The following CC2D2A variants were observed in gnomAD, a reference collection of about 807,000 sequenced individuals.
CC2D2A encodes the protein coiled-coil and C2 domain-containing protein 2A.
In CC2D2A, 155 loss-of-function variants were observed where a neutral mutation model predicts 212.9. The ratio of observed to expected loss-of-function variants is 0.73; its 90% confidence interval spans 0.64 to 0.83. The LOEUF (loss-of-function observed/expected upper bound fraction) is 0.83, where lower values mean the gene tolerates loss of function less well. Ranked by LOEUF, CC2D2A falls within the 40% of genes least tolerant of loss-of-function variation. The probability of loss-of-function intolerance (pLI) is 0.00; values close to 1 mark genes in which losing one functional copy is unlikely to be tolerated. For synonymous variants in CC2D2A, 667 were observed against 686.5 expected, an observed-to-expected ratio of 0.97 and a Z score of 0.44; for missense variants, 1,856 against 1,956.2, an observed-to-expected ratio of 0.95 and a Z score of 0.97.
At chr4:15,540,725 T>C in intron 16 of CC2D2A, 112 bp from the exon 17 acceptor site, 1 of 953,356 alleles carries the variant, frequency 1.0e-6, no homozygotes, top group Non-Finnish European at 1.6e-6. Context: ...CTGACATGAT[T>C]GGGAGAGTTG....
At chr4:15,548,733 A>T (rs1444266071) in intron 17 of CC2D2A, among the ~76,000 whole-genome samples, 1 of 152,232 alleles carries the variant, frequency 6.6e-6, no homozygotes, top group Non-Finnish European at 1.5e-5. Context: ...TAAGCTGTAG[A>T]AGATTATAGA....
chr4:15,536,906 AAATT>A lies in CC2D2A; in HGVS notation c.1608-12_1608-9del. 6.2e-7 allele frequency: 1 copy of A among 1,610,650 alleles called. No individual in the cohort carries two copies. The highest frequency in any genetic ancestry group is 8.5e-7 in the Non-Finnish European group (1 of 1,178,564). On this transcript the variant is annotated splice_polypyrimidine_tract_variant and intron_variant, in intron 14 of 36. Coordinates refer to ENST00000424120, the MANE Select transcript of CC2D2A (RefSeq NM_001378615.1). ...TTTCCAGAAATAACCAAGGGACTAC[AAATT>A]ATTTTAAAGGGAAAAAGCTGACCAG...
intron 30 of CC2D2A, among the ~76,000 whole-genome samples, chr4:15,581,456 G>T (rs551772415): frequency 6.6e-6 from 1 of 152,318 alleles, no homozygotes; most frequent in Admixed American, 6.5e-5. Context: ...TTGCTCTCAG[G>T]TCATCTGATA....
At chr4:15,474,164 C>T (rs1429998312) in intron 1 of CC2D2A, among the ~76,000 whole-genome samples, 2 of 152,198 alleles carry the variant, frequency 1.3e-5, no homozygotes, top group South Asian at 2.1e-4. Context: ...TAGGGAGAAA[C>T]CAGCAAAGGA....
At chr4:15,523,442 C>T (rs1409947211) in intron 11 of CC2D2A, among the ~76,000 whole-genome samples, 2 of 152,144 alleles carry the variant, frequency 1.3e-5, no homozygotes, top group Non-Finnish European at 2.9e-5. Context: ...TCCAAGCTCC[C>T]GCAGAGGTAC....
intron 29 of CC2D2A, among the ~76,000 whole-genome samples, chr4:15,578,568 AAAAC>A (rs1323630977): frequency 6.6e-6 from 1 of 152,218 alleles, no homozygotes; most frequent in African/African-American, 2.4e-5. Context: ...AAAGACTGAG[AAAAC>A]AAATATATCA....
chr4:15,551,720 A>G (rs1719018012), intron 18 of CC2D2A, among the ~76,000 whole-genome samples: 1 of 152,176 alleles, frequency 6.6e-6, no homozygotes, highest in African/African-American at 2.4e-5. Flanking sequence ...ATTCATTTAA[A>G]TATATTTAAA....
intron 11 of CC2D2A, among the ~76,000 whole-genome samples, chr4:15,522,653 A>G (rs1183944153): frequency 6.6e-6 from 1 of 152,208 alleles, no homozygotes; most frequent in Non-Finnish European, 1.5e-5. Flanking sequence ...ATTAGCTGTC[A>G]TGCAAAGAAA....
In CC2D2A at chr4:15,514,823, G is replaced by T; in HGVS notation, c.834G>T (p.Arg278=). 1 of 1,613,922 alleles carries T rather than the reference G, an allele frequency of 6.2e-7. No homozygotes were observed. The highest frequency in any genetic ancestry group is 1.1e-5 in the South Asian group (1 of 91,084). The change falls in exon 9 of 37, where the codon CGG becomes CGT. Residue 278 remains arginine, a synonymous_variant. Transcript: ENST00000424120. Reference sequence around the variant, plus strand: ...CAGATTATGAAAGCATCCATGATCGGCTGCAGATGGAAAGAGAAATGCTCT... The same window carrying T: ...CAGATTATGAAAGCATCCATGATCGTCTGCAGATGGAAAGAGAAATGCTCT... ...RPADYESIHD[R]LQMEREMLFI...
intron 29 of CC2D2A, among the ~76,000 whole-genome samples, chr4:15,577,978 G>A (rs1390137066): frequency 1.3e-5 from 2 of 152,172 alleles, no homozygotes; most frequent in African/African-American, 4.8e-5. Context: ...AAATAGTTTA[G>A]AGGAACACAG....
intron 11 of CC2D2A, among the ~76,000 whole-genome samples, chr4:15,525,213 C>T (rs1717441489): frequency 6.6e-6 from 1 of 152,118 alleles, no homozygotes; most frequent in Non-Finnish European, 1.5e-5. Flanking sequence ...ACCACTCTAC[C>T]CACGTTATTT....
chr4:15,563,753 A>G lies in CC2D2A; in HGVS notation c.3182+231A>G, dbSNP rs1719733280. ...ATCTCAAATAACTCGGACAAGAGGT[A>G]TAGCTGAATTACAAGGGAGACTGCA... On this transcript the variant is annotated intron_variant, in intron 24 of 36. Coordinates refer to ENST00000424120, the MANE Select transcript of CC2D2A (RefSeq NM_001378615.1). 7 of 527,174 alleles carry G rather than the reference A, an allele frequency of 1.3e-5. No homozygotes were observed. In the South Asian group the frequency reaches 1.8e-4, roughly 13 times the overall value. The allele number at this position is 527,174 out of a possible 1,614,324, so 32.7% of individuals were successfully genotyped here.
chr4:15,492,494 T>G (rs1184270739), intron 4 of CC2D2A, among the ~76,000 whole-genome samples: 1 of 136,312 alleles, frequency 7.3e-6, no homozygotes, highest in African/African-American at 3.5e-5. Context: ...CCAAATTCTT[T>G]TTTTTGTTTG....
intron 1 of CC2D2A, among the ~76,000 whole-genome samples, chr4:15,470,334 C>T (rs1440925400): frequency 6.6e-6 from 1 of 152,096 alleles, no homozygotes; most frequent in Non-Finnish European, 1.5e-5. Context: ...CTGACCAAAG[C>T]TCTGTGAAAC....
chr4:15,499,825 G>C (rs1715821358), intron 4 of CC2D2A, among the ~76,000 whole-genome samples: 1 of 151,962 alleles, frequency 6.6e-6, no homozygotes, highest in African/African-American at 2.4e-5. Context: ...AAGAAGGAGG[G>C]TTTCAGTCTA....
At chr4:15,493,909 A>C (rs1238867016) in intron 4 of CC2D2A, among the ~76,000 whole-genome samples, 1 of 152,212 alleles carries the variant, frequency 6.6e-6, no homozygotes, top group Admixed American at 6.5e-5. Context: ...AACTGCCCCC[A>C]AAAAAGAATT....
chr4:15,548,674 G>A (rs973416344), intron 17 of CC2D2A, among the ~76,000 whole-genome samples: 4 of 152,014 alleles, frequency 2.6e-5, no homozygotes, highest in African/African-American at 9.7e-5. Flanking sequence ...AATTTAAGAG[G>A]TCAAACCAAG....
Position 15,557,647 on chromosome 4 carries a change from A to T in CC2D2A, c.2829+140A>T, listed in dbSNP as rs953164791. The T allele has an allele frequency of 1.8e-4, 95 of 538,088 alleles. No individual in the cohort carries two copies. The Middle Eastern group carries it at 3.0e-3, about 17-fold the overall frequency. 33.3% of individuals were successfully genotyped at this position (538,088 alleles called of 1,614,324 possible). ...CTCTTTTATTTCACTTTTATACATA[A>T]CCTTTCCATGCTTTTTCTTGAATTC... On this transcript the variant is annotated intron_variant, in intron 21 of 36. Coordinates refer to ENST00000424120, the MANE Select transcript of CC2D2A (RefSeq NM_001378615.1).
chr4:15,597,585 T>C (rs1721375182), intron 35 of CC2D2A, 120 bp downstream of exon 35: 1 of 781,094 alleles, frequency 1.3e-6, no homozygotes, highest in Non-Finnish European at 2.2e-6. Flanking sequence ...TTAATTCATG[T>C]TTATAGATTC....
Sources: gnomAD v4.1 joint callset for allele counts (sites outside exome capture counted in the v4.1 genomes callset) on GRCh38, gnomAD v4.1.1 for gene constraint, MANE v1.5 for transcripts, NCBI Gene and HGNC (gene_info 2026-07-23, HGNC 2026-07-21) for gene names.